IQANK1: variants seen among roughly 807,000 people sequenced by gnomAD.
IQANK1 encodes the protein IQ motif and ankyrin repeat domain-containing protein 1.
A neutral mutation model predicts 22.6 loss-of-function variants in IQANK1; 30 were observed. The ratio of observed to expected loss-of-function variants is 1.33; its 90% CI spans 0.99 to 1.80. The LOEUF is 1.80. Ranked by LOEUF, IQANK1 falls within the 40% of genes most tolerant of loss-of-function variation. IQANK1 has a pLI of 0.00. For missense variants in IQANK1, 275 were observed against 235.2 expected (o/e 1.17, Z -1.11); for synonymous variants, 122 against 99.6 (o/e 1.23, Z -1.34).
rs536835585 is a variant in IQANK1, at chr8:143,748,324, T to C, written c.175+8376T>C. ...CTTTATTTCTTTACTTATCTTCTTA[T>C]CTTCTGCCTGGTGGTTCTATCCATA... On this transcript the variant is annotated intron_variant, in intron 3 of 13. Transcript: ENST00000527139. 2.0e-5 allele frequency among the ~76,000 whole-genome samples: 3 copies of C among 151,208 alleles called. No individual in the cohort carries two copies. The South Asian group carries it at 6.2e-4, about 31-fold the overall frequency.
At chr8:143,746,014 G>T (rs948463134) in intron 3 of IQANK1, 2 of 152,404 alleles carry the variant, frequency 1.3e-5, no homozygotes, top group Non-Finnish European at 2.9e-5. Flanking sequence ...CTCCCAAAGT[G>T]CTGGGATTAA....
At chr8:143,779,147 T>C (rs991671575) in intron 7 of IQANK1, among the ~76,000 whole-genome samples, 11 of 152,172 alleles carry the variant, frequency 7.2e-5, no homozygotes, top group Non-Finnish European at 1.5e-5. Context: ...TATATAAATT[T>C]ATAAACTTAT....
At chr8:143,757,307 G>A (rs1385953932) in intron 3 of IQANK1, among the ~76,000 whole-genome samples, 5 of 152,054 alleles carry the variant, frequency 3.3e-5, no homozygotes, top group Non-Finnish European at 7.4e-5. Flanking sequence ...GGTTTATAGT[G>A]GCAGGTAGTG....
At position 143,771,884 on chromosome 8, in the gene IQANK1, G is replaced by A. The variant is rs1819582272; in HGVS notation, c.390G>A (p.Arg130=). 1 of 394,162 alleles carries A rather than the reference G, an allele frequency of 2.5e-6. No individual in the cohort carries two copies. The highest frequency in any genetic ancestry group is 4.5e-6 in the Non-Finnish European group (1 of 223,398). The allele number at this position is 394,162 out of a possible 1,614,324, so 24.4% of individuals were successfully genotyped here. A position where few individuals can be genotyped will look rare whatever the true frequency, so the allele number is the denominator to read the frequency against. ...AGGAGGCGGCGCAGCGGGAGCGGCGGGAGGAGCTGCAGCGTCGCCGCCGCC... is the reference window on the plus strand; with the variant it reads ...AGGAGGCGGCGCAGCGGGAGCGGCGAGAGGAGCTGCAGCGTCGCCGCCGCC... ...EQEEAAQRER[R]EELQRRRRLL... Residue 130 remains arginine, a synonymous_variant, in exon 5 of 14, where the codon CGG becomes CGA. Transcript: ENST00000527139. The surrounding 1 kb of genome is among the most constrained non-coding windows in gnomAD (Gnocchi z 6.0).
At chr8:143,765,695 G>A (rs1264466413) in intron 3 of IQANK1, among the ~76,000 whole-genome samples, 5 of 152,168 alleles carry the variant, frequency 3.3e-5, no homozygotes, top group Non-Finnish European at 7.3e-5. Flanking sequence ...TAGATAAGCA[G>A]AAGTTTTACA....
At chr8:143,739,391 T>C (rs1818833008) in intron 2 of IQANK1, 1 of 154,514 alleles carries the variant, frequency 6.5e-6, no homozygotes, top group East Asian at 1.9e-4. Flanking sequence ...CTCCTGCTCC[T>C]GTTCAGTCCT....
intron 3 of IQANK1, among the ~76,000 whole-genome samples, chr8:143,764,328 G>A (rs1483145496): frequency 6.6e-6 from 1 of 151,938 alleles, no homozygotes. Context: ...AATAACAAAC[G>A]TGCAGACCAG....
At chr8:143,789,717 A>G (rs1257604112) in intron 10 of IQANK1, 44 bp from the exon 11 acceptor site, 3 of 1,226,548 alleles carry the variant, frequency 2.4e-6, no homozygotes, top group Non-Finnish European at 3.1e-6. Context: ...CTCCAGCCAG[A>G]GCATGGGGCA....
At chr8:143,788,760 C>T (rs1446668044) in intron 7 of IQANK1, among the ~76,000 whole-genome samples, 155 bp from the exon 8 acceptor site, 1 of 152,224 alleles carries the variant, frequency 6.6e-6, no homozygotes, top group African/African-American at 2.4e-5. Flanking sequence ...CACAGGGGCT[C>T]ATGCTTTGGG....
At chr8:143,780,952 G>C (rs1279381035) in intron 7 of IQANK1, among the ~76,000 whole-genome samples, 1 of 152,142 alleles carries the variant, frequency 6.6e-6, no homozygotes. Context: ...AACAGTGTGT[G>C]TGTGTTCCCT....
intron 3 of IQANK1, chr8:143,744,660 T>G (rs1302310715): frequency 3.3e-5 from 5 of 152,222 alleles, no homozygotes; most frequent in Non-Finnish European, 5.9e-5. Context: ...TTCCCTGGTC[T>G]CTGATGTTGG....
chr8:143,750,966 GTT>G (rs572143258), intron 3 of IQANK1, among the ~76,000 whole-genome samples: 5 of 150,568 alleles, frequency 3.3e-5, no homozygotes, highest in East Asian at 3.9e-4. Context: ...GTGTGTGTGT[GTT>G]TTTTTGTAGT....
intron 3 of IQANK1, among the ~76,000 whole-genome samples, chr8:143,761,330 C>G (rs1267296658): frequency 6.6e-6 from 1 of 152,226 alleles, no homozygotes; most frequent in African/African-American, 2.4e-5. Flanking sequence ...GCTCCGGCCC[C>G]GGGAAGCTGC....
chr8:143,787,661 C>G (rs1554631529), intron 7 of IQANK1, among the ~76,000 whole-genome samples: 1 of 152,172 alleles, frequency 6.6e-6, no homozygotes. Flanking sequence ...CTCATCCTGC[C>G]CCCGCTCTTT....
chr8:143,759,167 C>A, intron 3 of IQANK1: 2 of 270,014 alleles, frequency 7.4e-6, no homozygotes, highest in East Asian at 1.1e-4. Flanking sequence ...GGGCTGCAGG[C>A]AGCAAGAGAC....
At chr8:143,789,090 G>GAGGGGTGCTGGCA in intron 8 of IQANK1, 27 bp downstream of exon 8, 2 of 401,624 alleles carry the variant, frequency 5.0e-6, no homozygotes, top group Middle Eastern at 6.2e-4. Flanking sequence ...AGGTGCTGGC[G>GAGGGGTGCTGGCA]AGGGGTGCTG....
rs1818697454 is a variant in IQANK1, at chr8:143,735,186, C to A, written c.-4-664C>A. On this transcript the variant is annotated intron_variant, in intron 1 of 13. Coordinates refer to ENST00000527139, the MANE Select transcript of IQANK1 (RefSeq NM_001381874.1). The surrounding 1 kb of genome is among the most constrained non-coding windows in gnomAD (Gnocchi z 5.2). ...CATGGGTGGGGGGTCAGACCAGTGC[C>A]CAGGCAACTGTGCTGCAGCGGGTGA... is the stretch of plus-strand genomic sequence containing the variant. Among the ~76,000 whole-genome samples, 2 of 152,242 alleles carry A rather than the reference C, an allele frequency of 1.3e-5. No homozygotes were observed. The highest frequency in any genetic ancestry group is 2.4e-5 in the African/African-American group (1 of 41,452).
intron 3 of IQANK1, among the ~76,000 whole-genome samples, chr8:143,748,886 C>CAT (rs567977254): frequency 5.2e-5 from 5 of 96,810 alleles, no homozygotes; most frequent in South Asian, 6.4e-4. Context: ...ATATATATAT[C>CAT]ATAAATACTT....
In IQANK1 at chr8:143,735,898, G is replaced by A; in HGVS notation, c.45G>A (p.Trp15Ter). 1 of 702,612 alleles carries A rather than the reference G, an allele frequency of 1.4e-6. No individual in the cohort carries two copies. Among genetic ancestry groups the A allele is most frequent in the Non-Finnish European group, 2.6e-6 (1 of 384,932 alleles). The allele number at this position is 702,612 out of a possible 1,614,324, so 43.5% of individuals were successfully genotyped here. Residue 15 changes from tryptophan (W) to a stop codon, truncating the protein, a stop_gained, in exon 2 of 14, where the codon TGG becomes TGA. Coordinates refer to ENST00000527139, the MANE Select transcript of IQANK1 (RefSeq NM_001381874.1). LOFTEE classifies it high-confidence loss of function. The surrounding 1 kb of genome is among the most constrained non-coding windows in gnomAD (Gnocchi z 5.2). Reference protein sequence around the residue: ...KGRPKAAAGKWQTLHPGPKTR... With the variant: ...KGRPKAAAGK ...GACCCAAAGCTGCAGCTGGGAAGTG[G>A]CAGACGCTCCACCCTGGGCCCAAGA... is the stretch of plus-strand genomic sequence containing the variant.
Sources: allele counts gnomAD v4.1 joint callset (sites outside exome capture counted in the v4.1 genomes callset), GRCh38; gene constraint gnomAD v4.1.1; non-coding constraint Gnocchi (gnomAD v3.1); transcripts MANE v1.5; gene names NCBI Gene and HGNC (gene_info 2026-07-23, HGNC 2026-07-21).